The following LRRC7 variants were observed in gnomAD, a reference collection of about 807,000 sequenced individuals.
LRRC7 encodes leucine rich repeat containing 7.
Under a neutral mutation model 175.7 loss-of-function variants are expected in LRRC7, and 23 were observed. The ratio of observed to expected loss-of-function variants is 0.13; its 90% CI spans 0.09 to 0.19. The LOEUF is 0.19. LRRC7 is among the 10% of genes least tolerant of loss of function. The pLI, the probability that LRRC7 is intolerant of heterozygous loss-of-function variation, is 1.00. For missense variants in LRRC7, 1,354 were observed against 1,904.7 expected (o/e 0.71, Z 5.38); for synonymous variants, 685 against 680.9 (o/e 1.01, Z -0.09).
At chr1:69,670,630 G>A (rs1658935286) in intron 1 of LRRC7, among the ~76,000 whole-genome samples, 1 of 152,184 alleles carries the variant, frequency 6.6e-6, no homozygotes, top group Non-Finnish European at 1.5e-5. Context: ...GAGGTCCAGA[G>A]GTCCCATCTG....
Position 69,821,512 on chromosome 1 carries a change from C to G in LRRC7, c.422-4236C>G, listed in dbSNP as rs181052637. ...ATTTTATTGATTTGTCCATCTGTGC[C>G]CTCTTGTAGCTTACTTAGCTTCCTT... On this transcript the variant is annotated intron_variant, in intron 4 of 26. Coordinates refer to ENST00000651989, the MANE Select transcript of LRRC7 (RefSeq NM_001370785.2). Among the ~76,000 whole-genome samples, 12 of 151,856 alleles carry G rather than the reference C, an allele frequency of 7.9e-5. No homozygotes were observed. In the East Asian group the frequency reaches 1.7e-3, roughly 22 times the overall value.
At chr1:69,885,299 T>C (rs1366246363) in intron 7 of LRRC7, among the ~76,000 whole-genome samples, 1 of 144,786 alleles carries the variant, frequency 6.9e-6, no homozygotes, top group African/African-American at 2.7e-5. Flanking sequence ...TCAGCTCCTG[T>C]TATTGGTCTA....
At chr1:69,962,684 A>T (rs1314250206) in intron 8 of LRRC7, among the ~76,000 whole-genome samples, 2 of 152,158 alleles carry the variant, frequency 1.3e-5, no homozygotes, top group East Asian at 3.9e-4. Context: ...AGGAACATGG[A>T]TGGAGCTGGA....
intron 8 of LRRC7, among the ~76,000 whole-genome samples, chr1:69,964,387 C>T (rs1250938660): frequency 6.6e-6 from 1 of 152,134 alleles, no homozygotes; most frequent in African/African-American, 2.4e-5. Flanking sequence ...AGCGACAAAG[C>T]CTGGATCTGA....
chr1:69,649,628 A>T (rs535233089), intron 1 of LRRC7, among the ~76,000 whole-genome samples: 31 of 152,300 alleles, frequency 2.0e-4, no homozygotes, highest in African/African-American at 7.0e-4. Flanking sequence ...AGATGTCAAC[A>T]AAGAGACCAC....
intron 5 of LRRC7, among the ~76,000 whole-genome samples, chr1:69,827,302 G>A (rs1680028186): frequency 6.6e-6 from 1 of 152,136 alleles, no homozygotes; most frequent in Non-Finnish European, 1.5e-5. Flanking sequence ...AATCATGGTA[G>A]GTCTTTGGGA....
intron 7 of LRRC7, among the ~76,000 whole-genome samples, chr1:69,860,137 A>G (rs1344424116): frequency 4.6e-5 from 7 of 151,874 alleles, no homozygotes; most frequent in Admixed American, 2.0e-4. Flanking sequence ...TAAACTTTTA[A>G]ATGTTTAAAA....
chr1:69,991,016 A>G (rs1007441381), intron 10 of LRRC7, among the ~76,000 whole-genome samples: 2 of 152,078 alleles, frequency 1.3e-5, no homozygotes, highest in Admixed American at 6.6e-5. Flanking sequence ...TTACCCAGGC[A>G]CAGTGGCACA....
chr1:69,720,514 C>T (rs1666233120), intron 2 of LRRC7, among the ~76,000 whole-genome samples: 1 of 151,600 alleles, frequency 6.6e-6, no homozygotes, highest in South Asian at 2.1e-4. Context: ...ATTTACTTTT[C>T]CATTGTCATT....
chr1:69,974,641 T>C (rs1652624364), intron 8 of LRRC7, among the ~76,000 whole-genome samples: 1 of 152,214 alleles, frequency 6.6e-6, no homozygotes. Flanking sequence ...TAAAATCATC[T>C]ATTGATTATG....
chr1:69,772,542 A>G (rs1269438994), intron 3 of LRRC7, among the ~76,000 whole-genome samples: 1 of 152,220 alleles, frequency 6.6e-6, no homozygotes, highest in African/African-American at 2.4e-5. Context: ...ATGACATGAA[A>G]TTACTTTTAT....
chr1:70,118,708 C>T (rs1438274898), intron 26 of LRRC7, among the ~76,000 whole-genome samples: 1 of 152,116 alleles, frequency 6.6e-6, no homozygotes, highest in Admixed American at 6.5e-5. Context: ...GTTGTTTGGT[C>T]TCCTTAAAAT....
intron 2 of LRRC7, among the ~76,000 whole-genome samples, chr1:69,703,362 T>A (rs551132749): frequency 6.6e-6 from 1 of 152,046 alleles, no homozygotes; most frequent in Non-Finnish European, 1.5e-5. Context: ...AGTAATACTA[T>A]AGTTTTACAT....
At chr1:69,687,853 T>G (rs1442317165) in intron 2 of LRRC7, among the ~76,000 whole-genome samples, 1 of 152,242 alleles carries the variant, frequency 6.6e-6, no homozygotes, top group Non-Finnish European at 1.5e-5. Context: ...AAAATCATTT[T>G]GATTAGTGAC....
chr1:69,979,653 G>A lies in LRRC7; in HGVS notation c.712-726G>A, dbSNP rs181997879. 1.9e-4 allele frequency among the ~76,000 whole-genome samples: 29 copies of A among 152,130 alleles called. 1 individual carries two copies. The highest frequency in any genetic ancestry group is 9.7e-4 in the East Asian group (5 of 5,162). ...GGCATGTACATACAAGGCATGTACCGCATTGTACATTACATGTAGTAGGCA... is the reference window on the plus strand; with the variant it reads ...GGCATGTACATACAAGGCATGTACCACATTGTACATTACATGTAGTAGGCA... On this transcript the variant is annotated intron_variant, in intron 8 of 26. Transcript: ENST00000651989.
intron 7 of LRRC7, among the ~76,000 whole-genome samples, chr1:69,892,571 CCT>C (rs1388139794): frequency 1.3e-5 from 2 of 152,082 alleles, no homozygotes; most frequent in Non-Finnish European, 2.9e-5. Context: ...AACTGTCATC[CCT>C]CTAACAAAAC....
intron 8 of LRRC7, among the ~76,000 whole-genome samples, chr1:69,939,037 A>ATATATATATATCTATC (rs1557911148): frequency 2.5e-5 from 2 of 80,954 alleles, no homozygotes; most frequent in African/African-American, 7.7e-5. Context: ...ATATCTATAT[A>ATATATATATATCTATC]TATCTATATC....
intron 8 of LRRC7, among the ~76,000 whole-genome samples, chr1:69,940,819 G>A (rs1033136876): frequency 2.0e-5 from 3 of 152,162 alleles, no homozygotes; most frequent in Non-Finnish European, 4.4e-5. Context: ...TTTATATGCT[G>A]AAATGGAAAT....
chr1:69,709,024 G>T (rs778330983), intron 2 of LRRC7, among the ~76,000 whole-genome samples: 2 of 152,056 alleles, frequency 1.3e-5, no homozygotes, highest in East Asian at 3.9e-4. Context: ...CTACAAAAAG[G>T]CTTCCCTGTT....
Sources: gnomAD v4.1 joint callset for allele counts (sites outside exome capture counted in the v4.1 genomes callset) on GRCh38, gnomAD v4.1.1 for gene constraint, MANE v1.5 for transcripts, NCBI Gene and HGNC (gene_info 2026-07-23, HGNC 2026-07-21) for gene names.